STK4: variants seen among roughly 807,000 people sequenced by gnomAD.
The protein encoded by STK4 is serine/threonine kinase 4, also known as serine/threonine-protein kinase 4.
In STK4, 30 loss-of-function variants were observed where a neutral mutation model predicts 64.9. The ratio of observed to expected loss-of-function variants is 0.46; its 90% CI spans 0.35 to 0.63. STK4 has a LOEUF of 0.63. STK4 is among the 20% of genes least tolerant of loss of function. STK4 has a pLI of 0.01. For synonymous variants in STK4, 177 were observed against 199.0 expected, an observed-to-expected ratio of 0.89 and a Z score of 0.93; for missense variants, 466 against 598.5, an observed-to-expected ratio of 0.78 and a Z score of 2.31.
intron 3 of STK4, among the ~76,000 whole-genome samples, chr20:44,979,333 C>G (rs956445764): frequency 6.6e-6 from 1 of 151,978 alleles, no homozygotes; most frequent in Non-Finnish European, 1.5e-5. Context: ...CTGTTTGTTC[C>G]TTCACATTAA....
intron 8 of STK4, among the ~76,000 whole-genome samples, chr20:45,000,746 T>G (rs545220966): frequency 2.0e-5 from 3 of 152,340 alleles, no homozygotes; most frequent in East Asian, 1.9e-4. Context: ...TCTTTGCCCC[T>G]CTTTTACTCA....
At chr20:45,049,084 CAG>C (rs2068739413) in intron 10 of STK4, among the ~76,000 whole-genome samples, 1 of 151,728 alleles carries the variant, frequency 6.6e-6, no homozygotes. Context: ...ATGAAAGAGA[CAG>C]AGAGAGACAG....
chr20:44,990,687 T>C (rs2145674050), intron 5 of STK4, among the ~76,000 whole-genome samples: 1 of 152,216 alleles, frequency 6.6e-6, no homozygotes, highest in African/African-American at 2.4e-5. Context: ...ACCCACACTC[T>C]CTATAGTCTA....
intron 9 of STK4, among the ~76,000 whole-genome samples, chr20:45,017,422 G>A (rs1338010194): frequency 6.6e-6 from 1 of 152,230 alleles, no homozygotes; most frequent in Non-Finnish European, 1.5e-5. Flanking sequence ...TAAAGGATTT[G>A]TGAAAAGGAA....
intron 10 of STK4, among the ~76,000 whole-genome samples, chr20:45,029,545 A>G (rs867560460): frequency 7.3e-4 from 111 of 152,336 alleles, no homozygotes; most frequent in South Asian, 4.1e-4. Context: ...TTCATAGTTG[A>G]TATTCTTGTT....
Position 44,997,182 on chromosome 20 carries a change from T to C in STK4, c.707T>C (p.Ile236Thr), listed in dbSNP as rs2067746697. 6.2e-7 allele frequency: 1 copy of C among 1,613,780 alleles called. No individual in the cohort carries two copies. Among genetic ancestry groups the C allele is most frequent in the South Asian group, 1.1e-5 (1 of 91,080 alleles). The change falls in exon 7 of 11, where the codon ATT (isoleucine) becomes ACT (threonine). Residue 236 changes from isoleucine (I) to threonine (T), a missense_variant. By Grantham distance (89) the Ile-to-Thr change is moderately conservative. Transcript: ENST00000372806. The part of the protein sequence containing the change: ...DIHPMRAIFM[I>T]PTNPPPTFRK... ...TGTTCTAACCAGGCAATCTTCATGA[T>C]TCCTACAAATCCTCCTCCCACATTC...
rs138639575 is a variant in STK4 at position 44,973,663 on chromosome 20, G to GT, written c.116+1507dup. Among the ~76,000 whole-genome samples, 460 of 152,314 alleles carry GT rather than the reference G, an allele frequency of 3.0e-3. 2 individuals carry two copies. Among genetic ancestry groups the GT allele is most frequent in the African/African-American group, 0.011 (438 of 41,568 alleles). On this transcript the variant is annotated intron_variant, in intron 2 of 10. Transcript: ENST00000372806. ...CTACTACAATGTGAGGCTGACCTGG[G>GT]TTAAAATCCTTGCTCTACTGTTTAC...
intron 10 of STK4, among the ~76,000 whole-genome samples, chr20:45,074,598 A>T (rs1224501783): frequency 1.3e-5 from 2 of 152,026 alleles, no homozygotes; most frequent in Non-Finnish European, 2.9e-5. Context: ...AAAGTGGGAA[A>T]GGCGCTGTCC....
intron 10 of STK4, among the ~76,000 whole-genome samples, chr20:45,029,348 GT>G (rs1400537651): frequency 2.0e-5 from 3 of 152,080 alleles, no homozygotes; most frequent in African/African-American, 7.2e-5. Flanking sequence ...GCACTAAATT[GT>G]TTGGATTTAT....
chr20:45,014,678 G>A (rs148722895), intron 9 of STK4, among the ~76,000 whole-genome samples: 1 of 152,208 alleles, frequency 6.6e-6, no homozygotes, highest in Non-Finnish European at 1.5e-5. Context: ...ATGGCCACTT[G>A]CAGTAACATG....
chr20:44,976,389 G>T (rs763956324), intron 2 of STK4, among the ~76,000 whole-genome samples: 1 of 152,186 alleles, frequency 6.6e-6, no homozygotes, highest in Non-Finnish European at 1.5e-5. Context: ...TCATTCTTGA[G>T]GAAAGACACG....
At chr20:45,065,607 A>G (rs1032514404) in intron 10 of STK4, among the ~76,000 whole-genome samples, 1 of 148,360 alleles carries the variant, frequency 6.7e-6, no homozygotes, top group African/African-American at 2.4e-5. Context: ...CTGTGAATCC[A>G]TCTGGTCCTG....
rs1380317265 is a variant in STK4, at chr20:45,011,727, ATATTTTT to A, written c.1147+10376_1147+10382del. Among the ~76,000 whole-genome samples, 10 of 107,350 alleles carry A rather than the reference ATATTTTT, an allele frequency of 9.3e-5. No homozygotes were observed. The South Asian group carries it at 2.1e-3, about 23-fold the overall frequency. The allele number at this position is 107,350 out of a possible 152,430, so 70.4% of individuals were successfully genotyped here. On this transcript the variant is annotated intron_variant, in intron 9 of 10. Transcript: ENST00000372806. ...AACATACATATATATATATATATATATATTTTTTTTTTTTTTTTTAAGTCAAGTTGTT... is the reference window on the plus strand; with the variant it reads ...AACATACATATATATATATATATATATTTTTTTTTTTTAAGTCAAGTTGTT...
intron 2 of STK4, 100 bp downstream of exon 2, chr20:44,972,258 G>T: frequency 4.9e-6 from 5 of 1,027,910 alleles, no homozygotes; most frequent in Non-Finnish European, 7.3e-6. Context: ...GTTCTAGGTG[G>T]GGTGGAAGGT....
At chr20:45,053,910 T>G (rs67712855) in intron 10 of STK4, among the ~76,000 whole-genome samples, 38,513 of 148,658 alleles carry the variant, frequency 0.26, 5,555 homozygotes, top group Middle Eastern at 0.44. Flanking sequence ...TTGTTTTTTG[T>G]TTTTTTTTTC....
intron 3 of STK4, 101 bp from the exon 4 acceptor site, chr20:44,981,728 G>A (rs1041891912): frequency 4.5e-6 from 3 of 663,254 alleles, no homozygotes; most frequent in Admixed American, 2.8e-5. Context: ...ATGAATAATT[G>A]ATCTTTCCAG....
In STK4 at chr20:45,057,905, G is replaced by A. The variant is rs138091055; in HGVS notation, c.1306-17113G>A. Among the ~76,000 whole-genome samples, 761 of 152,138 alleles carry A rather than the reference G, an allele frequency of 5.0e-3. 8 individuals carry two copies. Among genetic ancestry groups the A allele is most frequent in the African/African-American group, 0.017 (702 of 41,488 alleles). On this transcript the variant is annotated intron_variant, in intron 10 of 10. Transcript: ENST00000372806. ...TGATTATACCAATTAAACAGTTGCC[G>A]AAAAGAATAAAAGACTATCCTAAAA... is the stretch of plus-strand genomic sequence containing the variant.
At chr20:44,988,012 A>G (rs1335565614) in intron 5 of STK4, among the ~76,000 whole-genome samples, 2 of 151,602 alleles carry the variant, frequency 1.3e-5, no homozygotes, top group Non-Finnish European at 2.9e-5. Flanking sequence ...TGCCTGGGAC[A>G]TGTTAGGGAG....
chr20:45,024,921 TACCTAAA>T, intron 9 of STK4, 45 bp from the exon 10 acceptor site: 12 of 1,462,400 alleles, frequency 8.2e-6, no homozygotes, highest in Non-Finnish European at 1.1e-5. Context: ...TTATTAAACT[TACCTAAA>T]ATTTAGAATG....
Sources: gnomAD v4.1 joint callset for allele counts (sites outside exome capture counted in the v4.1 genomes callset) on GRCh38, gnomAD v4.1.1 for gene constraint, MANE v1.5 for transcripts, NCBI Gene and HGNC (gene_info 2026-07-23, HGNC 2026-07-21) for gene names.